The following ZNF385B variants were observed in gnomAD, a reference collection of about 807,000 sequenced individuals.
ZNF385B encodes the protein zinc finger protein 533.
A neutral mutation model predicts 39.2 loss-of-function variants in ZNF385B; 23 were observed. That is an observed-to-expected ratio of 0.59 (90% CI 0.42 to 0.83). The LOEUF (loss-of-function observed/expected upper bound fraction) is 0.83. ZNF385B is among the 40% of genes least tolerant of loss of function. The probability of loss-of-function intolerance (pLI) is 0.00; values close to 1 mark genes in which losing one functional copy is unlikely to be tolerated. For missense variants in ZNF385B, 552 were observed against 598.9 expected (o/e 0.92, Z 0.82); for synonymous variants, 205 against 222.6 (o/e 0.92, Z 0.70).
intron 1 of ZNF385B, among the ~76,000 whole-genome samples, chr2:179,773,494 C>A (rs1317345141): frequency 1.3e-5 from 2 of 152,200 alleles, no homozygotes; most frequent in Admixed American, 1.3e-4. Context: ...CTGATGTCCT[C>A]GTGATGCTCC....
rs530696211 is a variant in ZNF385B, at chr2:179,516,135, T to G, written c.552+2393A>C. 6.6e-5 allele frequency among the ~76,000 whole-genome samples: 10 copies of G among 152,254 alleles called. No homozygotes were observed. The South Asian group carries it at 2.1e-3, about 32-fold the overall frequency. On this transcript the variant is annotated intron_variant, in intron 5 of 9. Transcript: ENST00000410066. ...CTTTTACTTTATTTCTATTTACTTT[T>G]ATTTCTTTATTTCCATTGTATGGCT...
At chr2:179,632,606 T>A (rs1691337289) in intron 3 of ZNF385B, among the ~76,000 whole-genome samples, 1 of 152,122 alleles carries the variant, frequency 6.6e-6, no homozygotes, top group African/African-American at 2.4e-5. Flanking sequence ...GCAGGAAAGA[T>A]CTCAAATTGA....
intron 3 of ZNF385B, among the ~76,000 whole-genome samples, chr2:179,728,823 A>G (rs1464649104): frequency 8.5e-5 from 13 of 152,106 alleles, no homozygotes; most frequent in Non-Finnish European, 4.4e-5. Context: ...TCCATTTTAT[A>G]TATTTATAAC....
rs563074430 is a variant in ZNF385B at position 179,452,138 on chromosome 2, A to G, written c.716-5368T>C. ...ATTGTTCGTTGTAACAAATATCCAT[A>G]ATTTATGCATCCAAGTGAATTTATT... On this transcript the variant is annotated intron_variant, in intron 6 of 9. Transcript: ENST00000410066. 6.2e-4 allele frequency among the ~76,000 whole-genome samples: 95 copies of G among 152,234 alleles called. 2 individuals carry two copies. Among genetic ancestry groups the G allele is most frequent in the Non-Finnish European group, 7.4e-5 (5 of 67,980 alleles).
At chr2:179,696,325 A>AATTTTTTTTTTTTTTT (rs1333224792) in intron 3 of ZNF385B, among the ~76,000 whole-genome samples, 3 of 9,846 alleles carry the variant, frequency 3.0e-4, no homozygotes, top group African/African-American at 4.8e-4. Flanking sequence ...ACAAACTGGG[A>AATTTTTTTTTTTTTTT]CTTTTTTTTT....
At chr2:179,472,965 G>A (rs1306743538) in intron 6 of ZNF385B, among the ~76,000 whole-genome samples, 6 of 152,210 alleles carry the variant, frequency 3.9e-5, no homozygotes, top group Non-Finnish European at 8.8e-5. Context: ...AGCTAAGACA[G>A]TGTCTTCTTC....
chr2:179,798,981 T>G (rs1165803511), intron 1 of ZNF385B, among the ~76,000 whole-genome samples: 2 of 152,066 alleles, frequency 1.3e-5, no homozygotes, highest in African/African-American at 4.8e-5. Context: ...GTTTATCCAT[T>G]CTATTTTAGT....
At chr2:179,695,298 T>C (rs1367127304) in intron 3 of ZNF385B, among the ~76,000 whole-genome samples, 1 of 151,988 alleles carries the variant, frequency 6.6e-6, no homozygotes, top group Non-Finnish European at 1.5e-5. Flanking sequence ...TTAGATATGA[T>C]ACCAAAAATA....
chr2:179,647,095 T>C (rs994914868), intron 3 of ZNF385B, among the ~76,000 whole-genome samples: 3 of 152,182 alleles, frequency 2.0e-5, no homozygotes, highest in Admixed American at 6.5e-5. Flanking sequence ...ATTATCTATA[T>C]GTGAATAGAA....
intron 3 of ZNF385B, among the ~76,000 whole-genome samples, chr2:179,730,694 C>CAAAATTTGATAACAA (rs1369289739): frequency 1.0e-3 from 153 of 152,136 alleles, no homozygotes; most frequent in African/African-American, 3.6e-3. Flanking sequence ...AATTTAAGCT[C>CAAAATTTGATAACAA]AATAAATGAT....
intron 1 of ZNF385B, among the ~76,000 whole-genome samples, chr2:179,824,336 A>T (rs1707564885): frequency 6.6e-6 from 1 of 152,178 alleles, no homozygotes; most frequent in African/African-American, 2.4e-5. Flanking sequence ...AATTTGGGGC[A>T]CTGTACTTTA....
At chr2:179,603,154 A>C (rs1273327788) in intron 3 of ZNF385B, among the ~76,000 whole-genome samples, 1 of 152,144 alleles carries the variant, frequency 6.6e-6, no homozygotes, top group Non-Finnish European at 1.5e-5. Context: ...AGTAGGACAA[A>C]TGTGGATTCA....
chr2:179,589,588 C>A (rs1687383537), intron 3 of ZNF385B, among the ~76,000 whole-genome samples: 1 of 152,168 alleles, frequency 6.6e-6, no homozygotes, highest in South Asian at 2.1e-4. Flanking sequence ...CAGTAAAAGC[C>A]TAGATTACAT....
At chr2:179,562,480 C>T in intron 3 of ZNF385B, 2 of 985,320 alleles carry the variant, frequency 2.0e-6, no homozygotes, top group Non-Finnish European at 2.4e-6. Flanking sequence ...TAAATAATTC[C>T]ATCATCTCAA....
rs774492367 is a variant in ZNF385B, at chr2:179,443,387, C to T, written c.1324G>A (p.Val442Met). 17 of 1,610,520 alleles carry T rather than the reference C, an allele frequency of 1.1e-5. No homozygotes were observed. The highest frequency in any genetic ancestry group is 4.5e-5 in the East Asian group (2 of 44,866). ...GGTGGGAGTGACAGCGCTGAGGACA[C>T]GGCTGCCGCCGCTGCGAGAGGTGAG... ...LSSPLAAAAA[V>M]SSALSLPPRP... Residue 442 changes from valine (V) to methionine (M), a missense_variant, in exon 10 of 10, where the codon GTG (valine) becomes ATG (methionine). By Grantham distance (21) the Val-to-Met change is conservative. Coordinates refer to ENST00000410066, the MANE Select transcript of ZNF385B (RefSeq NM_152520.6).
At chr2:179,702,991 T>C (rs993227485) in intron 3 of ZNF385B, among the ~76,000 whole-genome samples, 1 of 152,248 alleles carries the variant, frequency 6.6e-6, no homozygotes, top group Non-Finnish European at 1.5e-5. Context: ...AAAACTTCTG[T>C]CTGAATGATT....
rs1452773762 is a variant in ZNF385B, at chr2:179,561,437, C to T, written c.299-16468G>A. Among the ~76,000 whole-genome samples the T allele has an allele frequency of 2.0e-5, 3 of 152,122 alleles. No homozygotes were observed. In the East Asian group the frequency reaches 5.8e-4, roughly 29 times the overall value. On this transcript the variant is annotated intron_variant, in intron 3 of 9. Coordinates refer to ENST00000410066, the MANE Select transcript of ZNF385B (RefSeq NM_152520.6). ...TCATTTTTTGCAAGTCCACTGAACCCTCAGTGTTTACACCTCTAACCCATG... is the reference window on the plus strand; with the variant it reads ...TCATTTTTTGCAAGTCCACTGAACCTTCAGTGTTTACACCTCTAACCCATG...
At chr2:179,656,231 T>C (rs1693746768) in intron 3 of ZNF385B, among the ~76,000 whole-genome samples, 1 of 152,162 alleles carries the variant, frequency 6.6e-6, no homozygotes, top group Admixed American at 6.5e-5. Context: ...AATGGGCATG[T>C]ATTTATTATA....
chr2:179,824,003 C>A (rs1707544893), intron 1 of ZNF385B, among the ~76,000 whole-genome samples: 1 of 152,080 alleles, frequency 6.6e-6, no homozygotes, highest in South Asian at 2.1e-4. Flanking sequence ...TCCAGCTGAA[C>A]AGTGTCACCA....
Sources: gnomAD v4.1 joint callset for allele counts (sites outside exome capture counted in the v4.1 genomes callset) on GRCh38, gnomAD v4.1.1 for gene constraint, MANE v1.5 for transcripts, NCBI Gene and HGNC (gene_info 2026-07-23, HGNC 2026-07-21) for gene names.